The following NFS1 variants were observed in gnomAD, a reference collection of about 807,000 sequenced individuals.
NFS1 encodes the protein NFS1 cysteine desulfurase.
Under a neutral mutation model 57.3 loss-of-function variants are expected in NFS1, and 26 were observed. The observed-to-expected ratio is 0.45, with a 90% CI of 0.33 to 0.63. NFS1 has a LOEUF of 0.63. Ranked by LOEUF, NFS1 falls within the 20% of genes least tolerant of loss-of-function variation. The probability of loss-of-function intolerance (pLI) is 0.02; values close to 1 mark genes in which losing one functional copy is unlikely to be tolerated. For synonymous variants in NFS1, 209 were observed against 216.3 expected (o/e 0.97, Z 0.30); for missense variants, 505 against 605.8 (o/e 0.83, Z 1.75).
chr20:35,683,532 G>C (rs1409838961), intron 5 of NFS1, among the ~76,000 whole-genome samples: 2 of 151,570 alleles, frequency 1.3e-5, no homozygotes, highest in Non-Finnish European at 2.9e-5. Context: ...TGTAATCCAA[G>C]CACTTTGGGA....
At chr20:35,682,704 G>A (rs1045990826) in intron 5 of NFS1, 11 of 152,172 alleles carry the variant, frequency 7.2e-5, no homozygotes, top group African/African-American at 2.7e-4. Context: ...CAGGAGAAAT[G>A]CTTAAATCCA....
Position 35,672,816 on chromosome 20 carries a change from C to T in NFS1, c.1249G>A (p.Glu417Lys). ...RFGIGRFTTE[E>K]EVDYTVEKCI... ...TTCTCCACTGTGTAGTCCACTTCCT[C>T]CTCTGTAGTGAAGCGGCCAATTCCA... Residue 417 changes from glutamate to lysine, a missense_variant, in exon 12 of 13, where the codon GAG becomes AAG. Coordinates refer to ENST00000374092, the MANE Select transcript of NFS1 (RefSeq NM_021100.5). The T allele has an allele frequency of 1.2e-6, 2 of 1,611,888 alleles. No individual in the cohort carries two copies. Among genetic ancestry groups the T allele is most frequent in the Non-Finnish European group, 1.7e-6 (2 of 1,178,998 alleles).
At chr20:35,697,374 A>C (rs1335720654) in intron 3 of NFS1, among the ~76,000 whole-genome samples, 1 of 152,156 alleles carries the variant, frequency 6.6e-6, no homozygotes, top group African/African-American at 2.4e-5. Context: ...TTGTGGTAAT[A>C]AACACTTTAT....
chr20:35,690,013 C>A (rs1487074145), intron 5 of NFS1, among the ~76,000 whole-genome samples: 6 of 150,974 alleles, frequency 4.0e-5, no homozygotes, highest in Admixed American at 3.3e-4. Context: ...GCAGGAGAAT[C>A]ATTAGAACCC....
chr20:35,697,841 T>C (rs777225787), intron 2 of NFS1, 41 bp from the exon 3 acceptor site: 1 of 1,385,162 alleles, frequency 7.2e-7, no homozygotes, highest in South Asian at 1.2e-5. Context: ...GAGCGCATCG[T>C]CAATTCAGGT....
intron 4 of NFS1, chr20:35,692,202 A>G (rs2035053650): frequency 3.9e-6 from 1 of 255,528 alleles, no homozygotes; most frequent in Non-Finnish European, 7.6e-6. Context: ...ATAAATAAAT[A>G]AATAAAAATA....
At chr20:35,690,810 G>A (rs574484342) in intron 4 of NFS1, among the ~76,000 whole-genome samples, 49 of 152,278 alleles carry the variant, frequency 3.2e-4, no homozygotes, top group African/African-American at 1.0e-3. Context: ...AGTCCCAGGG[G>A]TCTCAAGCTA....
Position 35,698,555 on chromosome 20 carries a change from C to T in NFS1, c.133G>A (p.Asp45Asn). The T allele has an allele frequency of 6.2e-7, 1 of 1,613,690 alleles. No individual in the cohort carries two copies. The highest frequency in any genetic ancestry group is 8.5e-7 in the Non-Finnish European group (1 of 1,179,888). ...DRAPQSAVPA[D>N]TAAAPEVGPV... The stretch of plus-strand genomic sequence containing the variant: ...CCCACCTCCGGGGCAGCGGCTGTAT[C>T]TGCGGGAACCGCAGACTGAGGAGCA... The change falls in exon 2 of 13, where the codon GAT becomes AAT. Residue 45 changes from aspartate to asparagine, a missense_variant. Asp to Asn is a conservative substitution (Grantham distance 23). Coordinates refer to ENST00000374092, the MANE Select transcript of NFS1 (RefSeq NM_021100.5).
At chr20:35,689,762 C>G (rs932289512) in intron 5 of NFS1, among the ~76,000 whole-genome samples, 1 of 140,592 alleles carries the variant, frequency 7.1e-6, no homozygotes, top group Non-Finnish European at 1.5e-5. Context: ...CAGCGAGACT[C>G]TGTTTTAAAA....
At chr20:35,683,790 C>CAAAAAAAAA (rs151037025) in intron 5 of NFS1, among the ~76,000 whole-genome samples, 7 of 53,958 alleles carry the variant, frequency 1.3e-4, no homozygotes, top group Non-Finnish European at 1.9e-4. Context: ...GACTCCATCT[C>CAAAAAAAAA]AAAAAAAAAA....
rs906083307 is a variant in NFS1 at position 35,681,950 on chromosome 20, C to A, written c.593G>T (p.Ser198Ile). The A allele has an allele frequency of 1.1e-5, 17 of 1,612,516 alleles. No individual in the cohort carries two copies. Among genetic ancestry groups the A allele is most frequent in the Non-Finnish European group, 1.4e-5 (16 of 1,178,760 alleles). ...ELEAAIQPDTSLVSVMTVNNE... is the reference protein window; with the variant it reads ...ELEAAIQPDTILVSVMTVNNE... ...GTTCACAGTCATGACTGACACCAGG[C>A]TAGTATCTGGCTGGATAGCAGCCTC... The change falls in exon 6 of 13, where the codon AGC becomes ATC. Residue 198 changes from serine (S) to isoleucine (I), a missense_variant. Transcript: ENST00000374092.
At chr20:35,690,923 G>A (rs1307472321) in intron 4 of NFS1, among the ~76,000 whole-genome samples, 2 of 152,110 alleles carry the variant, frequency 1.3e-5, no homozygotes, top group Admixed American at 6.6e-5. Context: ...CCCATAGAAT[G>A]TACAACACCA....
chr20:35,675,178 C>T lies in NFS1; in HGVS notation c.815G>A (p.Arg272His), dbSNP rs1484599531. The T allele has an allele frequency of 5.0e-6, 8 of 1,613,064 alleles. No homozygotes were observed. The highest frequency in any genetic ancestry group is 1.3e-5 in the African/African-American group (1 of 74,852). ...GGCCTCCACACGCACACGGGGCCGG[C>T]GACGGATGTAGATGGCACCAACCCC... is the stretch of plus-strand genomic sequence containing the variant. ...PKGVGAIYIR[R>H]RPRVRVEALQ... The change falls in exon 8 of 13, where the codon CGC (arginine) becomes CAC (histidine). Residue 272 changes from arginine to histidine, a missense_variant. By Grantham distance (29) the Arg-to-His change is conservative. Transcript: ENST00000374092.
chr20:35,673,563 G>A (rs780696858), intron 11 of NFS1, 38 bp downstream of exon 11: 23 of 1,541,746 alleles, frequency 1.5e-5, no homozygotes, highest in Non-Finnish European at 2.0e-5. Flanking sequence ...AAATATAAGA[G>A]GATGCCTTTC....
chr20:35,694,649 G>A (rs1218902113), intron 4 of NFS1: 5 of 152,238 alleles, frequency 3.3e-5, no homozygotes, highest in Non-Finnish European at 7.4e-5. Flanking sequence ...GGGCACTTTG[G>A]GAGGCCGAGG....
At chr20:35,685,303 T>C (rs941425191) in intron 5 of NFS1, among the ~76,000 whole-genome samples, 2 of 151,746 alleles carry the variant, frequency 1.3e-5, no homozygotes, top group African/African-American at 4.9e-5. Context: ...CATTTGAGCC[T>C]AGGAGGTCAA....
At chr20:35,681,777 G>A in intron 6 of NFS1, 111 bp downstream of exon 6, 1 of 609,544 alleles carries the variant, frequency 1.6e-6, no homozygotes, top group Non-Finnish European at 3.1e-6. Context: ...AAGTACTTAG[G>A]CTTTCCCTTG....
rs1013754696 is a variant in NFS1 at position 35,689,317 on chromosome 20, G to A, written c.561+1096C>T. Among the ~76,000 whole-genome samples, 4 of 152,128 alleles carry A rather than the reference G, an allele frequency of 2.6e-5. No individual in the cohort carries two copies. In the East Asian group the frequency reaches 7.7e-4, roughly 29 times the overall value. ...AGCCTGACCAACATGGTGAAACTCT[G>A]TCTCTACTAAAAATACAAAAATTAG... On this transcript the variant is annotated intron_variant, in intron 5 of 12. Coordinates refer to ENST00000374092, the MANE Select transcript of NFS1 (RefSeq NM_021100.5).
rs184597854 is a variant in NFS1, at chr20:35,686,212, G to A, written c.561+4201C>T. On this transcript the variant is annotated intron_variant, in intron 5 of 12. Transcript: ENST00000374092. ...TCCAACTCCCGACCTCAGGTGATCC[G>A]CCTCCCAAAGTGCTGGGATTACAGC... 7.3e-5 allele frequency among the ~76,000 whole-genome samples: 11 copies of A among 151,438 alleles called. No homozygotes were observed. In the South Asian group the frequency reaches 1.7e-3, roughly 23 times the overall value.
Sources: gnomAD v4.1 joint callset for allele counts (sites outside exome capture counted in the v4.1 genomes callset) on GRCh38, gnomAD v4.1.1 for gene constraint, MANE v1.5 for transcripts, NCBI Gene and HGNC (gene_info 2026-07-23, HGNC 2026-07-21) for gene names.